PHLPP1: variants seen among roughly 807,000 people sequenced by gnomAD.
PHLPP1 encodes the protein PH domain and leucine rich repeat protein phosphatase 1, also known as PH domain leucine-rich repeat-containing protein phosphatase 1.
A neutral mutation model predicts 117.2 loss-of-function variants in PHLPP1; 42 were observed. The ratio of observed to expected loss-of-function variants is 0.36; its 90% confidence interval spans 0.28 to 0.46. The LOEUF (loss-of-function observed/expected upper bound fraction) is 0.46. Ranked by LOEUF, PHLPP1 falls within the 20% of genes least tolerant of loss-of-function variation. PHLPP1 has a pLI of 1.00. For missense variants in PHLPP1, 2,084 were observed against 2,241.9 expected (o/e 0.93, Z 1.42); for synonymous variants, 1,042 against 970.7 (o/e 1.07, Z -1.37).
intron 1 of PHLPP1, among the ~76,000 whole-genome samples, chr18:62,808,547 GTTTT>G (rs1555673585): frequency 1.4e-5 from 2 of 142,396 alleles, no homozygotes; most frequent in African/African-American, 5.1e-5. Flanking sequence ...TCATCTCTCT[GTTTT>G]TTTTTGTTTT....
At position 62,716,906 on chromosome 18, in the gene PHLPP1, A is replaced by G. The variant is rs1599010051; in HGVS notation, c.1223A>G (p.Gln408Arg). The G allele has an allele frequency of 6.5e-7, 1 of 1,532,074 alleles. No homozygotes were observed. Among genetic ancestry groups the G allele is most frequent in the African/African-American group, 1.4e-5 (1 of 72,110 alleles). The allele number at this position is 1,532,074 out of a possible 1,614,324, so 94.9% of individuals were successfully genotyped here. ...GHPAQPLPLPQTASSPQPQQK... is the reference protein window; with the variant it reads ...GHPAQPLPLPRTASSPQPQQK... ...CCCGCGCAGCCCCTCCCGCTTCCCC[A>G]GACGGCTTCCTCGCCTCAGCCGCAG... The change falls in exon 1 of 17, where the codon CAG becomes CGG. Residue 408 changes from glutamine to arginine, a missense_variant. By Grantham distance (43) the Gln-to-Arg change is conservative. This residue lies in a region of PHLPP1 where 719 missense variants were observed against 636.0 expected (regional missense o/e 1.13). Transcript: ENST00000262719. The surrounding 1 kb of genome is among the most constrained non-coding windows in gnomAD (Gnocchi z 5.7).
At chr18:62,901,705 C>A (rs1916729141) in intron 6 of PHLPP1, among the ~76,000 whole-genome samples, 1 of 151,304 alleles carries the variant, frequency 6.6e-6, no homozygotes. Flanking sequence ...CTCACCACAA[C>A]CTCCACCTCC....
At chr18:62,784,185 G>A (rs1913209121) in intron 1 of PHLPP1, among the ~76,000 whole-genome samples, 1 of 152,198 alleles carries the variant, frequency 6.6e-6, no homozygotes, top group African/African-American at 2.4e-5. Context: ...ATGAGCATTT[G>A]GCAACATCTG....
In PHLPP1 at chr18:62,716,197, C is replaced by T; in HGVS notation, c.514C>T (p.Leu172=). The T allele has an allele frequency of 1.3e-6, 2 of 1,521,774 alleles. No homozygotes were observed. Among genetic ancestry groups the T allele is most frequent in the South Asian group, 2.4e-5 (2 of 82,256 alleles). 94.3% of individuals were successfully genotyped at this position (1,521,774 alleles called of 1,614,324 possible). The stretch of plus-strand genomic sequence containing the variant: ...CTCGGCGTCGCTGTGCACCCGGAGC[C>T]TGGACAGGAAGACGCTGCTTCTGAA... ...SASASLCTRS[L]DRKTLLLKHR... Residue 172 remains leucine, a synonymous_variant, in exon 1 of 17, where the codon CTG becomes TTG. Transcript: ENST00000262719. The surrounding 1 kb of genome is among the most constrained non-coding windows in gnomAD (Gnocchi z 5.7).
intron 1 of PHLPP1, among the ~76,000 whole-genome samples, chr18:62,757,816 G>A (rs1392682704): frequency 6.6e-6 from 1 of 152,204 alleles, no homozygotes; most frequent in Non-Finnish European, 1.5e-5. Context: ...CCTGCTTGCA[G>A]ACCTGTGTGA....
At chr18:62,862,626 T>A (rs1915660507) in intron 4 of PHLPP1, among the ~76,000 whole-genome samples, 1 of 152,194 alleles carries the variant, frequency 6.6e-6, no homozygotes, top group Admixed American at 6.5e-5. Flanking sequence ...AAAAATGGGG[T>A]TCTCTATAAA....
At chr18:62,738,571 G>C (rs1439895335) in intron 1 of PHLPP1, among the ~76,000 whole-genome samples, 5 of 152,138 alleles carry the variant, frequency 3.3e-5, no homozygotes, top group Non-Finnish European at 7.3e-5. Context: ...GGTATCTTTT[G>C]GGGTGGGTGG....
At position 62,716,140 on chromosome 18, in the gene PHLPP1, G is replaced by T. The variant is rs1165373815; in HGVS notation, c.457G>T (p.Gly153Cys). The change falls in exon 1 of 17, where the codon GGC (glycine) becomes TGC (cysteine). Residue 153 changes from glycine (G) to cysteine (C), a missense_variant. By Grantham distance (159) the Gly-to-Cys change is radical (BLOSUM62 -3). Transcript: ENST00000262719. The surrounding 1 kb of genome is among the most constrained non-coding windows in gnomAD (Gnocchi z 5.7). The part of the protein sequence containing the change: ...SSAAAASHSP[G>C]AAGLPASCSA... ...GGCCGCTGCTGCCTCGCACTCCCCCGGCGCTGCCGGCCTCCCCGCCTCCTG... is the reference window on the plus strand; with the variant it reads ...GGCCGCTGCTGCCTCGCACTCCCCCTGCGCTGCCGGCCTCCCCGCCTCCTG... The T allele has an allele frequency of 4.6e-6, 7 of 1,517,834 alleles. No homozygotes were observed. The highest frequency in any genetic ancestry group is 2.8e-5 in the African/African-American group (2 of 70,588). The allele number at this position is 1,517,834 out of a possible 1,614,324, so 94.0% of individuals were successfully genotyped here.
At chr18:62,729,977 A>G (rs1911183482) in intron 1 of PHLPP1, among the ~76,000 whole-genome samples, 1 of 152,240 alleles carries the variant, frequency 6.6e-6, no homozygotes, top group African/African-American at 2.4e-5. Flanking sequence ...CGTATGAGGT[A>G]GGTTATCACC....
intron 1 of PHLPP1, among the ~76,000 whole-genome samples, chr18:62,727,385 A>G (rs376765787): frequency 6.6e-6 from 1 of 151,912 alleles, no homozygotes; most frequent in Admixed American, 6.6e-5. Context: ...AAGGCAGGAG[A>G]ATCATTTGTG....
chr18:62,781,309 A>T (rs1409044027), intron 1 of PHLPP1, among the ~76,000 whole-genome samples: 1 of 152,194 alleles, frequency 6.6e-6, no homozygotes, highest in East Asian at 1.9e-4. Flanking sequence ...GGCTTTGGAC[A>T]AATTTTCTCT....
intron 12 of PHLPP1, among the ~76,000 whole-genome samples, chr18:62,951,336 C>G (rs1487411898): frequency 6.6e-6 from 1 of 152,194 alleles, no homozygotes; most frequent in Non-Finnish European, 1.5e-5. Flanking sequence ...GCAGATCTTT[C>G]TAAATTCAAA....
At chr18:62,963,571 C>A in intron 14 of PHLPP1, 99 bp downstream of exon 14, 1 of 754,870 alleles carries the variant, frequency 1.3e-6, no homozygotes, top group Non-Finnish European at 2.2e-6. Context: ...ACACTTTTCT[C>A]ATGTAAAATT....
At chr18:62,753,001 A>G (rs1229053688) in intron 1 of PHLPP1, among the ~76,000 whole-genome samples, 1 of 152,228 alleles carries the variant, frequency 6.6e-6, no homozygotes, top group Non-Finnish European at 1.5e-5. Context: ...AAAATTATAA[A>G]CAAAGAAAAA....
At chr18:62,721,026 C>G (rs1910899485) in intron 1 of PHLPP1, among the ~76,000 whole-genome samples, 1 of 152,138 alleles carries the variant, frequency 6.6e-6, no homozygotes, top group Non-Finnish European at 1.5e-5. Context: ...ATTCGTATCA[C>G]TTTCCATGAA....
chr18:62,745,097 T>C (rs1911638916), intron 1 of PHLPP1, among the ~76,000 whole-genome samples: 1 of 152,232 alleles, frequency 6.6e-6, no homozygotes, highest in Non-Finnish European at 1.5e-5. Context: ...TTTAATACCA[T>C]TGCATTTTAG....
chr18:62,796,300 GT>G (rs1045051808), intron 1 of PHLPP1, among the ~76,000 whole-genome samples: 8 of 152,176 alleles, frequency 5.3e-5, no homozygotes. Context: ...AGGTGTTATT[GT>G]TTTTACCATT....
At chr18:62,969,117 G>A (rs914070104) in intron 14 of PHLPP1, among the ~76,000 whole-genome samples, 1 of 151,886 alleles carries the variant, frequency 6.6e-6, no homozygotes, top group Non-Finnish European at 1.5e-5. Context: ...CTGTTGCCCA[G>A]GCTGATCTTA....
intron 1 of PHLPP1, among the ~76,000 whole-genome samples, chr18:62,805,689 G>A (rs1913930052): frequency 6.6e-6 from 1 of 151,996 alleles, no homozygotes; most frequent in Admixed American, 6.6e-5. Flanking sequence ...GGTGTCTTTC[G>A]ATGGCATACA....
Sources: gnomAD v4.1 joint callset for allele counts (sites outside exome capture counted in the v4.1 genomes callset) on GRCh38, gnomAD v4.1.1 for gene constraint, gnomAD v4.1.1 regional missense constraint, Gnocchi (gnomAD v3.1) non-coding constraint, MANE v1.5 for transcripts, NCBI Gene and HGNC (gene_info 2026-07-23, HGNC 2026-07-21) for gene names.